SNX13: variants seen among roughly 807,000 people sequenced by gnomAD.
SNX13 encodes the protein sorting nexin-13.
In SNX13, 45 loss-of-function variants were observed where a neutral mutation model predicts 133.6. The ratio of observed to expected loss-of-function variants is 0.34; its 90% CI spans 0.27 to 0.43. The LOEUF (loss-of-function observed/expected upper bound fraction) is 0.43. Ranked by LOEUF, SNX13 falls within the 20% of genes least tolerant of loss-of-function variation. The probability of loss-of-function intolerance (pLI) is 1.00; values close to 1 mark genes in which losing one functional copy is unlikely to be tolerated. For missense variants in SNX13, 1,032 were observed against 1,145.1 expected, an observed-to-expected ratio of 0.90 and a Z score of 1.43; for synonymous variants, 414 against 373.9, an observed-to-expected ratio of 1.11 and a Z score of -1.24.
intron 12 of SNX13, 55 bp from the exon 13 acceptor site, chr7:17,840,055 C>G: frequency 6.8e-7 from 1 of 1,462,124 alleles, no homozygotes; most frequent in East Asian, 2.4e-5. Context: ...AATTTGGGGT[C>G]CATGTAGTTT....
At chr7:17,914,273 C>A (rs1322299332) in intron 1 of SNX13, among the ~76,000 whole-genome samples, 1 of 151,670 alleles carries the variant, frequency 6.6e-6, no homozygotes, top group African/African-American at 2.4e-5. Context: ...TATTGGCATT[C>A]TTGAAAAAGA....
At chr7:17,912,984 G>C (rs983135277) in intron 1 of SNX13, among the ~76,000 whole-genome samples, 1 of 152,144 alleles carries the variant, frequency 6.6e-6, no homozygotes, top group Non-Finnish European at 1.5e-5. Context: ...CGCAGCCAGG[G>C]ACAGCTCTGC....
Position 17,796,888 on chromosome 7 carries a change from A to C in SNX13, c.2565T>G (p.Asp855Glu). The C allele has an allele frequency of 6.2e-7, 1 of 1,611,392 alleles. No homozygotes were observed. The highest frequency in any genetic ancestry group is 8.5e-7 in the Non-Finnish European group (1 of 1,178,228). The change falls in exon 25 of 26, where the codon GAT becomes GAG. Residue 855 changes from aspartate to glutamate, a missense_variant. By Grantham distance (45) the Asp-to-Glu change is conservative (BLOSUM62 2). Coordinates refer to ENST00000428135, the MANE Select transcript of SNX13 (RefSeq NM_015132.5). ...GILAEAVPCRDKSIRMRTRVA... is the reference protein window; with the variant it reads ...GILAEAVPCREKSIRMRTRVA... ...CTCTTGTTCTCATTCGAATACTTTT[A>C]TCTCTGCATGGAACAGCCTCTGCTA...
rs948817160 is a variant in SNX13, at chr7:17,793,214, A to C, written c.*831T>G. ...AATGTATTTGGCAGTTCTTCCAATA[A>C]ATTATATCTTCTGTATAATCAGTAA... is the stretch of plus-strand genomic sequence containing the variant. On this transcript the variant is annotated 3_prime_UTR_variant, in exon 26 of 26. Coordinates refer to ENST00000428135, the MANE Select transcript of SNX13 (RefSeq NM_015132.5). 1 of 152,348 alleles carries C rather than the reference A, an allele frequency of 6.6e-6. No homozygotes were observed. The highest frequency in any genetic ancestry group is 1.5e-5 in the Non-Finnish European group (1 of 67,864). The allele number at this position is 152,348 out of a possible 1,614,324, so 9.4% of individuals were successfully genotyped here.
At position 17,803,592 on chromosome 7, in the gene SNX13, A is replaced by T; in HGVS notation, c.2065-12T>A. ...ACAAAAGTGTCCATCTAAAGGGAAA[A>T]AAGATATTATACCATGACTTTATTG... On this transcript the variant is annotated splice_polypyrimidine_tract_variant and intron_variant, in intron 20 of 25. Coordinates refer to ENST00000428135, the MANE Select transcript of SNX13 (RefSeq NM_015132.5). 1 of 1,596,818 alleles carries T rather than the reference A, an allele frequency of 6.3e-7. No homozygotes were observed. Among genetic ancestry groups the T allele is most frequent in the Non-Finnish European group, 8.5e-7 (1 of 1,171,670 alleles).
chr7:17,878,741 A>C (rs944962330), intron 5 of SNX13, among the ~76,000 whole-genome samples: 4 of 152,132 alleles, frequency 2.6e-5, no homozygotes, highest in African/African-American at 9.7e-5. Context: ...CACCTTCTCT[A>C]AGATCTTCCA....
chr7:17,931,018 G>A (rs1259255875), intron 1 of SNX13, among the ~76,000 whole-genome samples: 5 of 152,102 alleles, frequency 3.3e-5, no homozygotes, highest in Non-Finnish European at 5.9e-5. Context: ...CGGTCCCTTG[G>A]TGCCAAAAAG....
chr7:17,827,430 A>T (rs1448206325), intron 16 of SNX13, among the ~76,000 whole-genome samples: 1 of 152,038 alleles, frequency 6.6e-6, no homozygotes, highest in Non-Finnish European at 1.5e-5. Context: ...TAAAAGGGTC[A>T]TCTAAATGAC....
chr7:17,833,249 C>A (rs1788732034), intron 15 of SNX13, among the ~76,000 whole-genome samples: 1 of 151,580 alleles, frequency 6.6e-6, no homozygotes, highest in South Asian at 2.1e-4. Context: ...AAGGCTATCC[C>A]TCCCACTATT....
At chr7:17,854,862 T>C (rs1791694566) in intron 9 of SNX13, among the ~76,000 whole-genome samples, 1 of 152,142 alleles carries the variant, frequency 6.6e-6, no homozygotes, top group Admixed American at 6.5e-5. Context: ...AAGAGCCACA[T>C]ATCTTTCATT....
chr7:17,901,002 C>G (rs908777302), intron 1 of SNX13, among the ~76,000 whole-genome samples: 27 of 151,342 alleles, frequency 1.8e-4, no homozygotes, highest in Middle Eastern at 3.2e-3. Flanking sequence ...ACTGATTATT[C>G]AGGGACCAAG....
At chr7:17,836,327 G>T (rs1789130260) in intron 13 of SNX13, among the ~76,000 whole-genome samples, 1 of 151,960 alleles carries the variant, frequency 6.6e-6, no homozygotes, top group African/African-American at 2.4e-5. Flanking sequence ...GAACAGCCTG[G>T]CCCACATGGC....
chr7:17,851,443 G>A (rs1038644401), intron 9 of SNX13, among the ~76,000 whole-genome samples: 1 of 152,244 alleles, frequency 6.6e-6, no homozygotes, highest in African/African-American at 2.4e-5. Flanking sequence ...GCCAAAATCA[G>A]AAAAAAGGAC....
intron 20 of SNX13, among the ~76,000 whole-genome samples, chr7:17,806,652 A>AG (rs1320127175): frequency 6.6e-6 from 1 of 151,988 alleles, no homozygotes; most frequent in Non-Finnish European, 1.5e-5. Flanking sequence ...AAAAAAAAAA[A>AG]GTGAGTGGCT....
chr7:17,804,624 T>C (rs1369283417), intron 20 of SNX13, among the ~76,000 whole-genome samples: 1 of 151,370 alleles, frequency 6.6e-6, no homozygotes. Flanking sequence ...AAGAGACATC[T>C]AAAGAAACCA....
rs761743448 is a variant in SNX13 at position 17,790,795 on chromosome 7, A to G, written c.*3250T>C. Reference sequence around the variant, plus strand: ...ATACTTTATTAGTATTTTCTAATGGACAGAACACAAACCAAATAAATTTTT... The same window carrying G: ...ATACTTTATTAGTATTTTCTAATGGGCAGAACACAAACCAAATAAATTTTT... On this transcript the variant is annotated 3_prime_UTR_variant, in exon 26 of 26. Transcript: ENST00000428135. 3.3e-5 allele frequency: 5 copies of G among 152,096 alleles called. No individual in the cohort carries two copies. Among genetic ancestry groups the G allele is most frequent in the African/African-American group, 7.2e-5 (3 of 41,450 alleles). 9.4% of individuals were successfully genotyped at this position (152,096 alleles called of 1,614,324 possible).
chr7:17,801,554 A>C (rs2128286691), intron 22 of SNX13, 34 bp downstream of exon 22: 1 of 1,548,126 alleles, frequency 6.5e-7, no homozygotes, highest in Non-Finnish European at 8.8e-7. Flanking sequence ...AGTATGACTT[A>C]AACTAAATAC....
At chr7:17,869,451 G>C (rs1793786848) in intron 8 of SNX13, among the ~76,000 whole-genome samples, 1 of 152,030 alleles carries the variant, frequency 6.6e-6, no homozygotes, top group East Asian at 1.9e-4. Flanking sequence ...TTACCCTTTA[G>C]TGCCAGTAAT....
chr7:17,863,332 G>A (rs1471547938), intron 9 of SNX13, among the ~76,000 whole-genome samples: 2 of 152,180 alleles, frequency 1.3e-5, no homozygotes, highest in Non-Finnish European at 2.9e-5. Context: ...GTATGACCCA[G>A]TGTAACACCA....
Sources: gnomAD v4.1 joint callset for allele counts (sites outside exome capture counted in the v4.1 genomes callset) on GRCh38, gnomAD v4.1.1 for gene constraint, MANE v1.5 for transcripts, NCBI Gene and HGNC (gene_info 2026-07-23, HGNC 2026-07-21) for gene names.